The following ATP9B variants were observed in gnomAD, a reference collection of about 807,000 sequenced individuals.
ATP9B encodes the protein probable phospholipid-transporting ATPase IIB.
Under a neutral mutation model 146.1 loss-of-function variants are expected in ATP9B, and 110 were observed. The observed-to-expected ratio is 0.75, with a 90% CI of 0.65 to 0.88. The LOEUF (loss-of-function observed/expected upper bound fraction) is 0.88. Among genes scored for constraint, ATP9B ranks in the 40% least tolerant of loss-of-function variants. ATP9B has a pLI of 0.00. For missense variants in ATP9B, 1,499 were observed against 1,496.4 expected (o/e 1.00, Z -0.03); for synonymous variants, 604 against 569.7 (o/e 1.06, Z -0.86).
rs1355976306 is a variant in ATP9B at position 79,330,086 on chromosome 18, T to C, written c.2010T>C (p.Asn670=). ...DVAMSPIVQY[N]DWLEEECGNM... ...CCATGTCTCCTATCGTGCAGTATAATGACTGGCTGGAAGAGGAGGTATGTG... is the reference window on the plus strand; with the variant it reads ...CCATGTCTCCTATCGTGCAGTATAACGACTGGCTGGAAGAGGAGGTATGTG... The change falls in exon 17 of 30, where the codon AAT becomes AAC. Residue 670 remains asparagine, a synonymous_variant. Transcript: ENST00000426216. 1.2e-6 allele frequency: 2 copies of C among 1,614,086 alleles called. No individual in the cohort carries two copies. Among genetic ancestry groups the C allele is most frequent in the South Asian group, 2.2e-5 (2 of 91,078 alleles).
chr18:79,211,487 GC>G (rs1297104378), intron 10 of ATP9B, among the ~76,000 whole-genome samples: 3 of 152,190 alleles, frequency 2.0e-5, no homozygotes, highest in Admixed American at 6.5e-5. Flanking sequence ...AGTCTCGAGG[GC>G]CCTAGTCATG....
At chr18:79,241,194 AT>A (rs2095884583) in intron 11 of ATP9B, among the ~76,000 whole-genome samples, 1 of 152,062 alleles carries the variant, frequency 6.6e-6, no homozygotes, top group Non-Finnish European at 1.5e-5. Context: ...TTATGCATTG[AT>A]TTTTTTGGTT....
chr18:79,286,262 C>A (rs996048943), intron 13 of ATP9B, among the ~76,000 whole-genome samples: 1 of 152,030 alleles, frequency 6.6e-6, no homozygotes, highest in Non-Finnish European at 1.5e-5. Flanking sequence ...ATGGAATGTT[C>A]TTCCATTTGT....
chr18:79,375,924 C>T, intron 29 of ATP9B: 1 of 985,378 alleles, frequency 1.0e-6, no homozygotes, highest in Non-Finnish European at 1.2e-6. Context: ...GTATGTAAAT[C>T]TCCAGTTTCT....
At chr18:79,171,783 C>G (rs1444240964) in intron 7 of ATP9B, among the ~76,000 whole-genome samples, 1 of 152,140 alleles carries the variant, frequency 6.6e-6, no homozygotes, top group Non-Finnish European at 1.5e-5. Flanking sequence ...CAGCCCTCAC[C>G]CTGGGTAACC....
intron 8 of ATP9B, among the ~76,000 whole-genome samples, chr18:79,188,613 C>T (rs2148083455): frequency 6.6e-6 from 1 of 152,332 alleles, no homozygotes; most frequent in African/African-American, 2.4e-5. Context: ...AACATTACCT[C>T]TATTCTCCCA....
rs533317757 is a variant in ATP9B, at chr18:79,200,113, C to G, written c.955-6824C>G. Among the ~76,000 whole-genome samples the G allele has an allele frequency of 6.6e-5, 10 of 152,214 alleles. No homozygotes were observed. In the South Asian group the frequency reaches 2.1e-3, roughly 32 times the overall value. On this transcript the variant is annotated intron_variant, in intron 9 of 29. Coordinates refer to ENST00000426216, the MANE Select transcript of ATP9B (RefSeq NM_198531.5). ...GTATGCACTAGACTTTCATGACTGGCGGCCCAGTAGTTTTGTTTTCACCAC... is the reference window on the plus strand; with the variant it reads ...GTATGCACTAGACTTTCATGACTGGGGGCCCAGTAGTTTTGTTTTCACCAC...
chr18:79,172,568 AGCCACC>A (rs2095093036), intron 7 of ATP9B, among the ~76,000 whole-genome samples: 1 of 74,190 alleles, frequency 1.3e-5, no homozygotes, highest in African/African-American at 4.7e-5. Flanking sequence ...TTACAGGCGT[AGCCACC>A]GTGCGCCGAC....
At chr18:79,176,122 A>G (rs1270526318) in intron 7 of ATP9B, among the ~76,000 whole-genome samples, 4 of 152,052 alleles carry the variant, frequency 2.6e-5, no homozygotes, top group African/African-American at 9.7e-5. Flanking sequence ...TGTTTTATTC[A>G]GCTCGTCCTC....
rs753482242 is a variant in ATP9B, at chr18:79,277,122, C to G, written c.1337C>G (p.Pro446Arg). The G allele has an allele frequency of 1.9e-6, 3 of 1,614,212 alleles. No individual in the cohort carries two copies. The highest frequency in any genetic ancestry group is 1.3e-5 in the African/African-American group (1 of 75,046). Reference protein sequence around the residue: ...GWMMMKDENIPGTVVRTSTIP... With the variant: ...GWMMMKDENIRGTVVRTSTIP... ...ATGATGATGAAAGATGAGAACATCC[C>G]TGGCACGGTCGTTCGGACCAGCACT... Residue 446 changes from proline (P) to arginine (R), a missense_variant, in exon 13 of 30, where the codon CCT (proline) becomes CGT (arginine). Transcript: ENST00000426216.
chr18:79,285,452 A>G (rs1437704269), intron 13 of ATP9B, among the ~76,000 whole-genome samples: 4 of 152,132 alleles, frequency 2.6e-5, no homozygotes, highest in Non-Finnish European at 4.4e-5. Flanking sequence ...TCCTTCGCCC[A>G]CTTGTTGATG....
intron 5 of ATP9B, among the ~76,000 whole-genome samples, chr18:79,133,821 C>G (rs1435388338): frequency 1.3e-5 from 2 of 152,190 alleles, no homozygotes; most frequent in African/African-American, 4.8e-5. Context: ...AGGTCTGCCC[C>G]CCGCAGCCTT....
intron 1 of ATP9B, among the ~76,000 whole-genome samples, chr18:79,079,751 GT>G (rs199940356): frequency 0.061 from 9,258 of 152,220 alleles, 366 homozygotes; most frequent in Non-Finnish European, 0.092. Flanking sequence ...TATTGCCTAG[GT>G]TTTCTTCTAG....
chr18:79,167,709 T>C (rs1399604685), intron 7 of ATP9B, among the ~76,000 whole-genome samples: 8 of 152,216 alleles, frequency 5.3e-5, no homozygotes, highest in Non-Finnish European at 7.3e-5. Context: ...GAAAAAGCAC[T>C]ATCCGATTGG....
intron 17 of ATP9B, among the ~76,000 whole-genome samples, chr18:79,333,510 T>C (rs764858602): frequency 6.6e-6 from 1 of 152,258 alleles, no homozygotes; most frequent in Non-Finnish European, 1.5e-5. Context: ...GCATTATCAA[T>C]GTTCACATTT....
At chr18:79,208,630 G>A (rs2095556183) in intron 10 of ATP9B, among the ~76,000 whole-genome samples, 1 of 152,112 alleles carries the variant, frequency 6.6e-6, no homozygotes, top group Non-Finnish European at 1.5e-5. Context: ...TTTAAAAAAT[G>A]CTTGATGGGT....
intron 3 of ATP9B, among the ~76,000 whole-genome samples, chr18:79,112,750 A>G (rs2093996210): frequency 6.6e-6 from 1 of 152,118 alleles, no homozygotes; most frequent in African/African-American, 2.4e-5. Context: ...GTGTTAAAAA[A>G]AAAAAGTGGC....
At chr18:79,132,159 T>C (rs1183167023) in intron 5 of ATP9B, among the ~76,000 whole-genome samples, 1 of 86,278 alleles carries the variant, frequency 1.2e-5, no homozygotes, top group Admixed American at 1.1e-4. Flanking sequence ...CCTTCTGCTG[T>C]TACGTCTTTT....
At chr18:79,327,633 C>T (rs113473507) in intron 15 of ATP9B, among the ~76,000 whole-genome samples, 31,491 of 44,112 alleles carry the variant, frequency 0.71, 12,811 homozygotes, top group East Asian at 0.94. Flanking sequence ...GTTAGTGTGC[C>T]CTCCCTGGTT....
Sources: gnomAD v4.1 joint callset for allele counts (sites outside exome capture counted in the v4.1 genomes callset) on GRCh38, gnomAD v4.1.1 for gene constraint, MANE v1.5 for transcripts, NCBI Gene and HGNC (gene_info 2026-07-23, HGNC 2026-07-21) for gene names.